The following PATJ variants were observed in gnomAD, a reference collection of about 807,000 sequenced individuals.
The protein encoded by PATJ is inaD-like protein.
PATJ carries 190 observed loss-of-function variants against 224.9 expected under a neutral mutation model. The observed-to-expected ratio is 0.84, with a 90% CI of 0.75 to 0.95. The LOEUF is 0.95. Among genes scored for constraint, PATJ ranks in the 40% least tolerant of loss-of-function variants. The probability of loss-of-function intolerance (pLI) is 0.00; values close to 1 mark genes in which losing one functional copy is unlikely to be tolerated. For missense variants in PATJ, 2,121 were observed against 2,270.3 expected, an observed-to-expected ratio of 0.93 and a Z score of 1.34; for synonymous variants, 769 against 820.3, an observed-to-expected ratio of 0.94 and a Z score of 1.07.
Position 61,762,935 on chromosome 1 carries a change from T to A in PATJ, c.22+21T>A, listed in dbSNP as rs961417735. On this transcript the variant is annotated intron_variant, in intron 2 of 43. Transcript: ENST00000642238. ...TACAGGTATACTGGATATATTGTTC[T>A]ATAATTAAATTAATTATTTAAAAAT... The A allele has an allele frequency of 2.3e-5, 34 of 1,507,494 alleles. No homozygotes were observed. The Middle Eastern group carries it at 1.2e-3, about 53-fold the overall frequency. 93.4% of individuals were successfully genotyped at this position (1,507,494 alleles called of 1,614,324 possible).
At chr1:62,011,865 A>T (rs1215784763) in intron 28 of PATJ, among the ~76,000 whole-genome samples, 2 of 152,170 alleles carry the variant, frequency 1.3e-5, no homozygotes, top group Non-Finnish European at 2.9e-5. Flanking sequence ...GGACTTTAAA[A>T]AGCCTAAAAG....
intron 17 of PATJ, among the ~76,000 whole-genome samples, chr1:61,845,099 G>A (rs1189086617): frequency 6.6e-6 from 1 of 152,106 alleles, no homozygotes; most frequent in Non-Finnish European, 1.5e-5. Flanking sequence ...GTATCTGCTG[G>A]GGGTCTTCGA....
chr1:62,056,340 G>GT (rs1270298817), intron 31 of PATJ, among the ~76,000 whole-genome samples: 4 of 152,148 alleles, frequency 2.6e-5, no homozygotes, highest in Non-Finnish European at 5.9e-5. Context: ...TCATTTCCAT[G>GT]TAAGAGATAA....
chr1:61,828,209 C>T (rs1658631294), intron 16 of PATJ, among the ~76,000 whole-genome samples: 1 of 150,290 alleles, frequency 6.7e-6, no homozygotes, highest in Non-Finnish European at 1.5e-5. Context: ...CGCCATTGCA[C>T]TCCAGCTTGG....
chr1:62,066,640 GTA>G (rs1656484375), intron 31 of PATJ, among the ~76,000 whole-genome samples: 4 of 152,280 alleles, frequency 2.6e-5, no homozygotes, highest in Admixed American at 1.3e-4. Flanking sequence ...GGCTTTTTAA[GTA>G]TATTCCTCCT....
chr1:62,087,390 C>T (rs530342352), intron 33 of PATJ, among the ~76,000 whole-genome samples: 50 of 151,664 alleles, frequency 3.3e-4, no homozygotes, highest in Non-Finnish European at 2.8e-4. Context: ...GGGGGCGGGG[C>T]GGGCCGTAGG....
chr1:62,148,387 C>G lies in PATJ; in HGVS notation c.5375C>G (p.Thr1792Arg), dbSNP rs773836021. The change falls in exon 42 of 44, where the codon ACA (threonine) becomes AGA (arginine). Residue 1792 changes from threonine (T) to arginine (R), a missense_variant. Thr to Arg is a moderately conservative substitution (Grantham distance 71). Coordinates refer to ENST00000642238, the MANE Select transcript of PATJ (RefSeq NM_001350145.3). ...SPTAEHHPED[T>R]ETPPPKIITL... ...ACTGCTGAACACCATCCAGAAGACA[C>G]AGAGTGAGTATTTCAGATGCAGAGG... 4 of 1,607,044 alleles carry G rather than the reference C, an allele frequency of 2.5e-6. No individual in the cohort carries two copies. Among genetic ancestry groups the G allele is most frequent in the Non-Finnish European group, 3.4e-6 (4 of 1,173,714 alleles).
In PATJ at chr1:61,864,602, C is replaced by T; in HGVS notation, c.2804C>T (p.Ala935Val). ...GGGAGGACTGTCTATTCCCAGGAGG[C>T]ACAGCCGTATGGCTATTGCCCTGAA... ...RTGRTVYSQE[A>V]QPYGYCPENV... The change falls in exon 20 of 44, where the codon GCA (alanine) becomes GTA (valine). Residue 935 changes from alanine to valine, a missense_variant. Physicochemically the swap from Ala to Val is moderately conservative, Grantham distance 64. Coordinates refer to ENST00000642238, the MANE Select transcript of PATJ (RefSeq NM_001350145.3). The T allele has an allele frequency of 6.2e-7, 1 of 1,602,924 alleles. No homozygotes were observed. The highest frequency in any genetic ancestry group is 8.5e-7 in the Non-Finnish European group (1 of 1,175,660).
At chr1:61,827,345 A>G in intron 15 of PATJ, 77 bp from the exon 16 acceptor site, 1 of 1,245,002 alleles carries the variant, frequency 8.0e-7, no homozygotes, top group Non-Finnish European at 1.1e-6. Flanking sequence ...TCATTTTGGT[A>G]GATGGATATA....
intron 17 of PATJ, among the ~76,000 whole-genome samples, chr1:61,840,118 G>A (rs890216728): frequency 6.6e-6 from 1 of 151,916 alleles, no homozygotes; most frequent in Non-Finnish European, 1.5e-5. Flanking sequence ...CTTGAATATA[G>A]TATGCCTTAG....
intron 27 of PATJ, among the ~76,000 whole-genome samples, chr1:61,988,886 G>A (rs899270417): frequency 5.3e-5 from 8 of 152,152 alleles, no homozygotes; most frequent in East Asian, 1.9e-4. Flanking sequence ...TCCCTCCTAA[G>A]GACAGCAAAT....
chr1:61,747,581 C>G (rs1206442308), intron 1 of PATJ, among the ~76,000 whole-genome samples: 1 of 152,132 alleles, frequency 6.6e-6, no homozygotes, highest in Non-Finnish European at 1.5e-5. Context: ...ATGTTTAATT[C>G]CGGTAAAATT....
intron 17 of PATJ, among the ~76,000 whole-genome samples, chr1:61,844,799 C>T (rs890529676): frequency 8.6e-5 from 13 of 152,040 alleles, no homozygotes; most frequent in African/African-American, 3.1e-4. Flanking sequence ...TGAGTTCTCA[C>T]AAGATCTGAT....
intron 27 of PATJ, among the ~76,000 whole-genome samples, chr1:61,973,576 GACCACGATCTGATGTGGTGCGGAGCTC>G (rs1683258907): frequency 6.6e-6 from 1 of 151,936 alleles, no homozygotes; most frequent in South Asian, 2.1e-4. Context: ...CACTGCTGAT[GACCACGATCTGATGTGGTGCGGAGCTC>G]TTGTTGAGCA....
intron 27 of PATJ, among the ~76,000 whole-genome samples, chr1:61,946,270 A>G (rs1678687838): frequency 6.6e-6 from 1 of 152,190 alleles, no homozygotes; most frequent in South Asian, 2.1e-4. Flanking sequence ...AAATCAGTGA[A>G]TCCAGGAGCT....
chr1:61,812,433 A>AGAGAGAGTGTGTGTGTGTGT (rs1397549346), intron 14 of PATJ, among the ~76,000 whole-genome samples: 5 of 85,204 alleles, frequency 5.9e-5, no homozygotes, highest in Non-Finnish European at 9.5e-5. Flanking sequence ...AGAGAGAGAG[A>AGAGAGAGTGTGTGTGTGTGT]GTGTGTGTGT....
intron 41 of PATJ, among the ~76,000 whole-genome samples, chr1:62,137,524 A>AGAGGCCTGAGAGGGAAAT (rs1667051914): frequency 2.9e-3 from 3 of 1,034 alleles, no homozygotes; most frequent in Non-Finnish European, 5.7e-3. Flanking sequence ...GGGGCACAGC[A>AGAGGCCTGAGAGGGAAAT]GTCTGAGGGG....
At chr1:62,081,699 T>C (rs1659302293) in intron 32 of PATJ, among the ~76,000 whole-genome samples, 1 of 152,012 alleles carries the variant, frequency 6.6e-6, no homozygotes, top group South Asian at 2.1e-4. Flanking sequence ...TTCCTAGTAG[T>C]TGGGATTACA....
intron 4 of PATJ, among the ~76,000 whole-genome samples, chr1:61,767,208 GT>G (rs1557605693): frequency 6.6e-6 from 1 of 152,136 alleles, no homozygotes; most frequent in Non-Finnish European, 1.5e-5. Context: ...GGACATGTTA[GT>G]TTTATGTATG....
Sources: allele counts gnomAD v4.1 joint callset (sites outside exome capture counted in the v4.1 genomes callset), GRCh38; gene constraint gnomAD v4.1.1; transcripts MANE v1.5; gene names NCBI Gene and HGNC (gene_info 2026-07-23, HGNC 2026-07-21).